Variants in NAA50 observed in about 807,000 individuals in gnomAD.
NAA50 encodes N-alpha-acetyltransferase 50, NatE catalytic subunit.
In NAA50, 7 loss-of-function variants were observed where a neutral mutation model predicts 20.7. The ratio of observed to expected loss-of-function variants is 0.34; its 90% confidence interval spans 0.19 to 0.63. The LOEUF is 0.63. Ranked by LOEUF, NAA50 falls within the 30% of genes least tolerant of loss-of-function variation. NAA50 has a pLI of 0.75. For missense variants in NAA50, 111 were observed against 199.1 expected, an observed-to-expected ratio of 0.56 and a Z score of 2.66; for synonymous variants, 54 against 70.6, an observed-to-expected ratio of 0.77 and a Z score of 1.18.
At chr3:113,728,896 T>C (rs1005760490) in intron 1 of NAA50, among the ~76,000 whole-genome samples, 6 of 152,222 alleles carry the variant, frequency 3.9e-5, no homozygotes, top group Non-Finnish European at 7.3e-5. Flanking sequence ...ATTGATGGCC[T>C]CTCCATCCTT....
Position 113,746,131 on chromosome 3 carries a change from G to C in NAA50, c.-182C>G. On this transcript the variant is annotated 5_prime_UTR_variant, in exon 1 of 5. Transcript: ENST00000240922. ...CGAGTGAGGGCTTGAGTCTGGTGGG[G>C]GCGGGAGTGTCTCCCGCCGCCGCGC... 1.5e-6 allele frequency: 1 copy of C among 681,422 alleles called. No homozygotes were observed. The highest frequency in any genetic ancestry group is 2.3e-6 in the Non-Finnish European group (1 of 428,482). The allele number at this position is 681,422 out of a possible 1,614,324, so 42.2% of individuals were successfully genotyped here. A position where few individuals can be genotyped will look rare whatever the true frequency, so the allele number is the denominator to read the frequency against.
rs1364226239 is a variant in NAA50 at position 113,717,795 on chromosome 3, T to C, written c.*3965A>G. On this transcript the variant is annotated 3_prime_UTR_variant, in exon 5 of 5. Coordinates refer to ENST00000240922, the MANE Select transcript of NAA50 (RefSeq NM_025146.4). The stretch of plus-strand genomic sequence containing the variant: ...CTATTTCTTTTATATCCCGAATAAC[T>C]GTAAAGTGCAGTGCTTTATAACCCT... The C allele has an allele frequency of 1.3e-5, 2 of 152,202 alleles. No homozygotes were observed. The highest frequency in any genetic ancestry group is 2.9e-5 in the Non-Finnish European group (2 of 68,050). The allele number at this position is 152,202 out of a possible 1,614,324, so 9.4% of individuals were successfully genotyped here.
In NAA50 at chr3:113,723,467, T is replaced by A; in HGVS notation, c.220A>T (p.Ile74Phe). 1 of 1,613,122 alleles carries A rather than the reference T, an allele frequency of 6.2e-7. No homozygotes were observed. The highest frequency in any genetic ancestry group is 2.2e-5 in the East Asian group (1 of 44,820). The change falls in exon 3 of 5, where the codon ATC (isoleucine) becomes TTC (phenylalanine). Residue 74 changes from isoleucine to phenylalanine, a missense_variant. Transcript: ENST00000240922. ...DHSQNQKRLY[I>F]MTLGCLAPYR... is the part of the protein sequence containing the mutation. ...GGTGCCAGACATCCTAGTGTCATGA[T>A]GTAAAGTCTCTTCTGATTCTGTGAA...
intron 1 of NAA50, among the ~76,000 whole-genome samples, chr3:113,744,432 C>T (rs1708461645): frequency 6.6e-6 from 1 of 151,630 alleles, no homozygotes; most frequent in Non-Finnish European, 1.5e-5. Context: ...CCACTGCACT[C>T]CAGCCTGGGC....
In NAA50 at chr3:113,724,407, C is replaced by T. The variant is rs1457076048; in HGVS notation, c.9-312G>A. ...CATAGTTCAGAAAAATTTAGATACA[C>T]CTATTTCTGGTAAAATTACAGTTCC... is the stretch of plus-strand genomic sequence containing the variant. On this transcript the variant is annotated intron_variant, in intron 1 of 4. Transcript: ENST00000240922. 2.6e-5 allele frequency among the ~76,000 whole-genome samples: 4 copies of T among 152,100 alleles called. No homozygotes were observed. In the East Asian group the frequency reaches 7.7e-4, roughly 29 times the overall value.
chr3:113,733,578 A>T (rs998914235), intron 1 of NAA50, among the ~76,000 whole-genome samples: 3 of 151,518 alleles, frequency 2.0e-5, no homozygotes, highest in Admixed American at 2.0e-4. Flanking sequence ...AAGGCCAGGC[A>T]TGGTGGCTCA....
At chr3:113,727,941 CATG>C (rs1412532726) in intron 1 of NAA50, among the ~76,000 whole-genome samples, 3 of 152,078 alleles carry the variant, frequency 2.0e-5, no homozygotes, top group Non-Finnish European at 4.4e-5. Flanking sequence ...CTCTCATTAA[CATG>C]ATATGTCTGA....
chr3:113,732,963 C>T (rs1385317444), intron 1 of NAA50, among the ~76,000 whole-genome samples: 1 of 151,236 alleles, frequency 6.6e-6, no homozygotes, highest in East Asian at 1.9e-4. Flanking sequence ...TCTCATTGGA[C>T]GTATTTCTCT....
chr3:113,724,995 T>C (rs1486001715), intron 1 of NAA50, among the ~76,000 whole-genome samples: 1 of 152,194 alleles, frequency 6.6e-6, no homozygotes, highest in Non-Finnish European at 1.5e-5. Context: ...CCTTTATAAA[T>C]TACCCAGTCT....
In NAA50 at chr3:113,721,705, G is replaced by A; in HGVS notation, c.*55C>T. On this transcript the variant is annotated 3_prime_UTR_variant, in exon 5 of 5. Coordinates refer to ENST00000240922, the MANE Select transcript of NAA50 (RefSeq NM_025146.4). ...TGTTGGGGTGGGGGAGGAATCAATG[G>A]GCCTCTCTTTTATTTGGCGACAAGC... 1 of 1,585,260 alleles carries A rather than the reference G, an allele frequency of 6.3e-7. No homozygotes were observed. Among genetic ancestry groups the A allele is most frequent in the South Asian group, 1.1e-5 (1 of 89,874 alleles).
At chr3:113,723,562 A>T (rs758312744) in intron 2 of NAA50, 21 bp from the exon 3 acceptor site, 29 of 1,594,064 alleles carry the variant, frequency 1.8e-5, no homozygotes, top group South Asian at 1.7e-4. Context: ...AAACATAAAG[A>T]TATAATGTTG....
At chr3:113,724,899 A>G (rs1708182063) in intron 1 of NAA50, among the ~76,000 whole-genome samples, 1 of 152,116 alleles carries the variant, frequency 6.6e-6, no homozygotes, top group Non-Finnish European at 1.5e-5. Context: ...GTGAAGAATG[A>G]TGTGTTTGCT....
intron 1 of NAA50, among the ~76,000 whole-genome samples, chr3:113,735,688 TG>T (rs1375827500): frequency 1.3e-5 from 2 of 152,196 alleles, no homozygotes; most frequent in Non-Finnish European, 2.9e-5. Context: ...ACAGGTTTTT[TG>T]TTTGTTTGGT....
intron 4 of NAA50, 36 bp downstream of exon 4, chr3:113,722,870 C>A: frequency 6.7e-7 from 1 of 1,482,930 alleles, no homozygotes. Context: ...CCAATTAAAC[C>A]CCTTTGATAA....
At chr3:113,731,031 C>G (rs1290153064) in intron 1 of NAA50, among the ~76,000 whole-genome samples, 5 of 152,266 alleles carry the variant, frequency 3.3e-5, no homozygotes, top group African/African-American at 9.6e-5. Flanking sequence ...AAAATTTATG[C>G]TAACAGGTAT....
At chr3:113,743,886 A>G (rs1708454828) in intron 1 of NAA50, among the ~76,000 whole-genome samples, 1 of 152,232 alleles carries the variant, frequency 6.6e-6, no homozygotes, top group Non-Finnish European at 1.5e-5. Context: ...TGAATATATT[A>G]ATTCAAGGTA....
intron 1 of NAA50, among the ~76,000 whole-genome samples, chr3:113,726,065 CTTGA>C (rs1458872328): frequency 6.6e-6 from 1 of 152,156 alleles, no homozygotes; most frequent in African/African-American, 2.4e-5. Context: ...TCCTTCCTGC[CTTGA>C]TTATTTTTTA....
rs1429379321 is a variant in NAA50, at chr3:113,746,047, C to G, written c.-98G>C. The G allele has an allele frequency of 3.3e-6, 5 of 1,512,318 alleles. No homozygotes were observed. The highest frequency in any genetic ancestry group is 4.5e-6 in the Non-Finnish European group (5 of 1,119,970). The allele number at this position is 1,512,318 out of a possible 1,614,324, so 93.7% of individuals were successfully genotyped here. A position where few individuals can be genotyped will look rare whatever the true frequency, so the allele number is the denominator to read the frequency against. On this transcript the variant is annotated 5_prime_UTR_variant, in exon 1 of 5. Transcript: ENST00000240922. The stretch of plus-strand genomic sequence containing the variant: ...ACCCTTAGCTCGGGCCACTCAACCC[C>G]GCAAGCCGGCCTCCTAGCCTGGGCA...
At chr3:113,722,643 G>A (rs1708149318) in intron 4 of NAA50, among the ~76,000 whole-genome samples, 1 of 152,130 alleles carries the variant, frequency 6.6e-6, no homozygotes, top group South Asian at 2.1e-4. Context: ...GAAGGCCTGA[G>A]TTTTAATCCT....
Sources: gnomAD v4.1 joint callset for allele counts (sites outside exome capture counted in the v4.1 genomes callset) on GRCh38, gnomAD v4.1.1 for gene constraint, MANE v1.5 for transcripts, NCBI Gene and HGNC (gene_info 2026-07-23, HGNC 2026-07-21) for gene names.